The following OSBPL9 variants were observed in gnomAD, a reference collection of about 807,000 sequenced individuals.
OSBPL9 encodes the protein oxysterol-binding protein-related protein 9.
A neutral mutation model predicts 106.6 loss-of-function variants in OSBPL9; 40 were observed. The observed-to-expected ratio is 0.38, with a 90% CI of 0.29 to 0.49. The LOEUF is 0.49. Among genes scored for constraint, OSBPL9 ranks in the 20% least tolerant of loss-of-function variants. The pLI is 0.97. For synonymous variants in OSBPL9, 269 were observed against 295.4 expected, an observed-to-expected ratio of 0.91 and a Z score of 0.92; for missense variants, 609 against 887.2, an observed-to-expected ratio of 0.69 and a Z score of 3.98.
intron 3 of OSBPL9, chr1:51,669,840 T>C (rs1335210265): frequency 2.0e-6 from 1 of 491,016 alleles, no homozygotes; most frequent in Admixed American, 2.3e-5. Flanking sequence ...TATCAAGGAG[T>C]ATGGTTCTGC....
At chr1:51,574,626 A>T (rs566015331), upstream of OSBPL9, among the ~76,000 whole-genome samples, 12 of 152,088 alleles carry the variant, frequency 7.9e-5, no homozygotes, top group South Asian at 6.2e-4. Context: ...ATCAAAAAAA[A>T]AATAATAATA....
intron 1 of OSBPL9, chr1:51,583,663 A>T (rs537100335): frequency 6.6e-6 from 1 of 152,318 alleles, no homozygotes; most frequent in African/African-American, 2.4e-5. Flanking sequence ...ATGTCCAAGT[A>T]TCCATGATTC....
chr1:51,653,041 C>T lies in OSBPL9; in HGVS notation c.162+1000C>T, dbSNP rs563427858. ...TCCTTGATAGAACTGGGAAATACCG[C>T]TGAGAAAGACACCAAATTATAATAG... On this transcript the variant is annotated intron_variant, in intron 2 of 23. Transcript: ENST00000428468. Among the ~76,000 whole-genome samples, 5 of 152,196 alleles carry T rather than the reference C, an allele frequency of 3.3e-5. No homozygotes were observed. The East Asian group carries it at 9.7e-4, about 29-fold the overall frequency.
At chr1:51,771,875 C>T (rs997254291) in intron 12 of OSBPL9, among the ~76,000 whole-genome samples, 195 bp from the exon 13 acceptor site, 6 of 152,182 alleles carry the variant, frequency 3.9e-5, no homozygotes, top group Non-Finnish European at 5.9e-5. Flanking sequence ...TTTTTGATGA[C>T]TTCTAGGTCT....
At chr1:51,579,785 G>A (rs534183149) in intron 1 of OSBPL9, among the ~76,000 whole-genome samples, 1 of 151,524 alleles carries the variant, frequency 6.6e-6, no homozygotes, top group South Asian at 2.1e-4. Context: ...GCCCAGAGAG[G>A]TCAAGGCTGC....
chr1:51,639,239 G>T (rs1345444677), intron 1 of OSBPL9, among the ~76,000 whole-genome samples: 1 of 152,194 alleles, frequency 6.6e-6, no homozygotes, highest in African/African-American at 2.4e-5. Context: ...TAGAACCAGC[G>T]TCTTGTGATT....
rs751989532 is a variant in OSBPL9, at chr1:51,760,803, A to C, written c.673+23A>C. On this transcript the variant is annotated intron_variant, in intron 10 of 23. Coordinates refer to ENST00000428468, the MANE Select transcript of OSBPL9 (RefSeq NM_024586.6). ...CAGGTAATTTGGGAAAATGTTTCTT[A>C]GATTCATTGATGAGAAAAAAATAAT... 8.7e-6 allele frequency: 14 copies of C among 1,610,774 alleles called. No individual in the cohort carries two copies. The South Asian group carries it at 1.5e-4, about 18-fold the overall frequency.
chr1:51,617,325 G>A, intron 1 of OSBPL9, 104 bp downstream of exon 1: 1 of 1,184,564 alleles, frequency 8.4e-7, no homozygotes, highest in Non-Finnish European at 1.2e-6. Flanking sequence ...TGCTAGTCTG[G>A]GGGTGCCGCC....
chr1:51,769,174 T>C (rs115907105), intron 12 of OSBPL9, among the ~76,000 whole-genome samples: 1,948 of 150,752 alleles, frequency 0.013, 40 homozygotes, highest in African/African-American at 0.043. Context: ...CACCTGCTGG[T>C]CATCAGCTGC....
intron 1 of OSBPL9, among the ~76,000 whole-genome samples, chr1:51,619,731 A>G (rs1221162908): frequency 6.6e-6 from 1 of 152,208 alleles, no homozygotes; most frequent in African/African-American, 2.4e-5. Flanking sequence ...GGAAGGTAGG[A>G]GACACATTGG....
At chr1:51,701,150 G>C (rs1657142173) in intron 3 of OSBPL9, among the ~76,000 whole-genome samples, 1 of 152,160 alleles carries the variant, frequency 6.6e-6, no homozygotes, top group Admixed American at 6.5e-5. Flanking sequence ...ATATTGGCCA[G>C]GCTGGTCTCA....
intron 1 of OSBPL9, among the ~76,000 whole-genome samples, chr1:51,588,106 A>G (rs948267282): frequency 1.3e-5 from 2 of 152,146 alleles, no homozygotes; most frequent in Admixed American, 6.5e-5. Context: ...AATTCGGCCA[A>G]GCATGGTGGC....
rs1645231687 is a variant in OSBPL9, at chr1:51,583,398, G to A, written c.-423+6142G>A. 3 of 152,326 alleles carry A rather than the reference G, an allele frequency of 2.0e-5. 1 individual carries two copies. The South Asian group carries it at 6.2e-4, about 32-fold the overall frequency. 9.4% of individuals were successfully genotyped at this position (152,326 alleles called of 1,614,324 possible). A position where few individuals can be genotyped will look rare whatever the true frequency, so the allele number is the denominator to read the frequency against. On this transcript the variant is annotated intron_variant, in intron 1 of 25. Coordinates refer to the OSBPL9 transcript ENST00000371714. The stretch of plus-strand genomic sequence containing the variant: ...AGTCCTCACAGTGCTCAACAACGAA[G>A]TTAGAATAATCACTTCCATTTTATG...
At chr1:51,746,410 C>G (rs1248653072) in intron 5 of OSBPL9, among the ~76,000 whole-genome samples, 1 of 151,960 alleles carries the variant, frequency 6.6e-6, no homozygotes, top group African/African-American at 2.4e-5. Context: ...ACTTGGAAAA[C>G]AAAGCAGAAA....
At chr1:51,549,773 C>T in the OSBPL9 span, among the ~76,000 whole-genome samples, 1 of 152,224 alleles carries the variant, frequency 6.6e-6, no homozygotes, top group Non-Finnish European at 1.5e-5. Context: ...GTGGAGGTTA[C>T]AGTAAGCTGA....
At chr1:51,747,477 C>G (rs965163495) in intron 6 of OSBPL9, among the ~76,000 whole-genome samples, 1 of 151,808 alleles carries the variant, frequency 6.6e-6, no homozygotes, top group African/African-American at 2.4e-5. Flanking sequence ...GCTATTGTCC[C>G]CCACTTGCAT....
At position 51,719,411 on chromosome 1, in the gene OSBPL9, T is replaced by C. The variant is rs554784226; in HGVS notation, c.318+5332T>C. Among the ~76,000 whole-genome samples, 43 of 152,252 alleles carry C rather than the reference T, an allele frequency of 2.8e-4. 1 individual carries two copies. In the South Asian group the frequency reaches 8.3e-3, roughly 29 times the overall value. The stretch of plus-strand genomic sequence containing the variant: ...TAAGAGGCATTCAGTAGATATCTGA[T>C]GATACTGATTAATAGAGGGGAACTT... On this transcript the variant is annotated intron_variant, in intron 4 of 23. Coordinates refer to ENST00000428468, the MANE Select transcript of OSBPL9 (RefSeq NM_024586.6).
chr1:51,552,462 T>C, the OSBPL9 span, among the ~76,000 whole-genome samples: 2 of 152,348 alleles, frequency 1.3e-5, no homozygotes, highest in East Asian at 1.9e-4. Context: ...TAATACATAA[T>C]GGAGCCTGGA....
chr1:51,633,771 A>T (rs1397954799), intron 1 of OSBPL9, among the ~76,000 whole-genome samples: 1 of 152,038 alleles, frequency 6.6e-6, no homozygotes, highest in Non-Finnish European at 1.5e-5. Context: ...ACAGGTGTGA[A>T]CCACCACACC....
Sources: allele counts gnomAD v4.1 joint callset (sites outside exome capture counted in the v4.1 genomes callset), GRCh38; gene constraint gnomAD v4.1.1; transcripts MANE v1.5; gene names NCBI Gene and HGNC (gene_info 2026-07-23, HGNC 2026-07-21).